The following PSD3 variants were observed in gnomAD, a reference collection of about 807,000 sequenced individuals.
PSD3 encodes the protein pleckstrin and Sec7 domain containing 3, also known as PH and SEC7 domain-containing protein 3.
Under a neutral mutation model 105.5 loss-of-function variants are expected in PSD3, and 49 were observed. The observed-to-expected ratio is 0.46, with a 90% CI of 0.37 to 0.59. PSD3 has a LOEUF of 0.59. Ranked by LOEUF, PSD3 falls within the 20% of genes least tolerant of loss-of-function variation. The pLI is 0.00. For synonymous variants in PSD3, 557 were observed against 457.8 expected (o/e 1.22, Z -2.77); for missense variants, 1,561 against 1,263.8 (o/e 1.24, Z -3.57).
At chr8:18,879,208 A>G (rs1453581033) in intron 2 of PSD3, among the ~76,000 whole-genome samples, 1 of 152,166 alleles carries the variant, frequency 6.6e-6, no homozygotes, top group Non-Finnish European at 1.5e-5. Context: ...TCCCTCAGAA[A>G]GGGGCAGCAA....
chr8:18,956,483 G>GTCA (rs907925879), intron 1 of PSD3, among the ~76,000 whole-genome samples: 1 of 152,176 alleles, frequency 6.6e-6, no homozygotes, highest in African/African-American at 2.4e-5. Context: ...AGTTTCCAAT[G>GTCA]TCAGGCTCAA....
intron 9 of PSD3, among the ~76,000 whole-genome samples, chr8:18,751,477 G>A (rs797022693): frequency 1.7e-3 from 253 of 147,806 alleles, no homozygotes; most frequent in South Asian, 2.5e-3. Context: ...ACAGGCTCCA[G>A]AAGCCTAAAC....
At chr8:18,650,864 G>C (rs1333926534) in intron 10 of PSD3, among the ~76,000 whole-genome samples, 2 of 152,168 alleles carry the variant, frequency 1.3e-5, no homozygotes, top group Admixed American at 6.5e-5. Flanking sequence ...GCTCTTCAAA[G>C]ACTTTATAAG....
Position 18,804,521 on chromosome 8 carries a change from C to T in PSD3, c.1910+1G>A, listed in dbSNP as rs1294710849. 1 of 1,602,910 alleles carries T rather than the reference C, an allele frequency of 6.2e-7. No individual in the cohort carries two copies. The highest frequency in any genetic ancestry group is 8.5e-7 in the Non-Finnish European group (1 of 1,170,254). ...CGAGCAGCAAGGAGGCTTAGTCATACCTGAGTGACTGATCCAGCGTCATTC... is the reference window on the plus strand; with the variant it reads ...CGAGCAGCAAGGAGGCTTAGTCATATCTGAGTGACTGATCCAGCGTCATTC... On this transcript the variant is annotated splice_donor_variant, in intron 6 of 15. Coordinates refer to ENST00000327040, the MANE Select transcript of PSD3 (RefSeq NM_015310.4). LOFTEE classifies it high-confidence loss of function.
intron 1 of PSD3, among the ~76,000 whole-genome samples, chr8:19,026,087 A>C (rs1563516631): frequency 6.6e-6 from 1 of 152,164 alleles, no homozygotes; most frequent in South Asian, 2.1e-4. Context: ...AGATATTGTG[A>C]GGCTTATTCA....
intron 1 of PSD3, among the ~76,000 whole-genome samples, chr8:18,945,406 AG>A (rs1406603803): frequency 2.6e-4 from 39 of 152,194 alleles, no homozygotes; most frequent in Non-Finnish European, 5.1e-4. Flanking sequence ...AGATGGAGGA[AG>A]GGGCTGTGAG....
In PSD3 at chr8:18,600,400, A is replaced by G; in HGVS notation, c.2445T>C (p.Tyr815=). The G allele has an allele frequency of 6.2e-7, 1 of 1,605,266 alleles. No individual in the cohort carries two copies. Among genetic ancestry groups the G allele is most frequent in the Non-Finnish European group, 8.5e-7 (1 of 1,177,982 alleles). ...AAAGAACTGTTCCCTTCAGTACAGC[A>G]TAAAAGGTTTTCCATCCTCGTTTTC... ...PRGKRGWKTF[Y]AVLKGTVLYL... is the part of the protein sequence containing the mutation. Residue 815 remains tyrosine, a synonymous_variant, in exon 12 of 16, where the codon TAT becomes TAC. Coordinates refer to ENST00000327040, the MANE Select transcript of PSD3 (RefSeq NM_015310.4).
At chr8:18,655,883 A>C (rs1808853250) in intron 9 of PSD3, among the ~76,000 whole-genome samples, 198 bp from the exon 10 acceptor site, 1 of 152,210 alleles carries the variant, frequency 6.6e-6, no homozygotes, top group Non-Finnish European at 1.5e-5. Context: ...CATGAAACAA[A>C]GAAACTTTCA....
At chr8:18,822,987 T>A (rs1054978575) in intron 4 of PSD3, among the ~76,000 whole-genome samples, 6 of 152,086 alleles carry the variant, frequency 3.9e-5, no homozygotes, top group Non-Finnish European at 7.3e-5. Flanking sequence ...ATCAATCAGC[T>A]CTTGAAGTTT....
chr8:18,706,803 C>G (rs758451667), intron 9 of PSD3, among the ~76,000 whole-genome samples: 1 of 152,172 alleles, frequency 6.6e-6, no homozygotes, highest in Admixed American at 6.5e-5. Flanking sequence ...TGATGCCACA[C>G]CAGCTAAGCA....
At chr8:18,583,459 T>G (rs1802953428) in intron 12 of PSD3, among the ~76,000 whole-genome samples, 1 of 152,062 alleles carries the variant, frequency 6.6e-6, no homozygotes, top group South Asian at 2.1e-4. Flanking sequence ...ATCAGGTCAC[T>G]CCCCATTTAA....
intron 13 of PSD3, 112 bp downstream of exon 13, chr8:18,575,016 C>T (rs1802385538): frequency 1.7e-6 from 2 of 1,167,968 alleles, no homozygotes; most frequent in Non-Finnish European, 2.3e-6. Context: ...CAGTTGATGA[C>T]TTTGATTCCA....
At chr8:18,864,385 G>A (rs1248542455) in intron 4 of PSD3, among the ~76,000 whole-genome samples, 1 of 152,140 alleles carries the variant, frequency 6.6e-6, no homozygotes, top group Non-Finnish European at 1.5e-5. Flanking sequence ...TGAGAACGAA[G>A]CATCATGTGT....
intron 9 of PSD3, among the ~76,000 whole-genome samples, chr8:18,757,352 T>A (rs938217802): frequency 6.6e-6 from 1 of 151,124 alleles, no homozygotes. Context: ...TAATCCCAGC[T>A]ACTCGGGAGG....
chr8:18,976,327 C>T (rs1026276268), intron 1 of PSD3, among the ~76,000 whole-genome samples: 2 of 152,128 alleles, frequency 1.3e-5, no homozygotes, highest in Admixed American at 6.5e-5. Context: ...AAATAAATTA[C>T]AAATTACATT....
At chr8:18,929,040 A>C (rs2129468298) in intron 2 of PSD3, among the ~76,000 whole-genome samples, 1 of 152,294 alleles carries the variant, frequency 6.6e-6, no homozygotes, top group South Asian at 2.1e-4. Context: ...ATGATGCACA[A>C]TTCTATGAAC....
chr8:18,881,839 T>C (rs1185445692), intron 2 of PSD3, among the ~76,000 whole-genome samples: 3 of 152,204 alleles, frequency 2.0e-5, no homozygotes, highest in Non-Finnish European at 2.9e-5. Flanking sequence ...CCTATAACAA[T>C]TTTACCTAGC....
intron 10 of PSD3, among the ~76,000 whole-genome samples, chr8:18,648,000 G>C (rs1405958164): frequency 6.6e-6 from 1 of 152,176 alleles, no homozygotes; most frequent in South Asian, 2.1e-4. Flanking sequence ...CACGCTTCCT[G>C]TGTAGCCTGC....
chr8:19,064,271 C>T (rs941587644), intron 1 of PSD3, among the ~76,000 whole-genome samples: 1 of 152,084 alleles, frequency 6.6e-6, no homozygotes, highest in Admixed American at 6.6e-5. Context: ...TAGTGTGTAC[C>T]TAAATAGAGT....
Sources: gnomAD v4.1 joint callset for allele counts (sites outside exome capture counted in the v4.1 genomes callset) on GRCh38, gnomAD v4.1.1 for gene constraint, MANE v1.5 for transcripts, NCBI Gene and HGNC (gene_info 2026-07-23, HGNC 2026-07-21) for gene names.